The following SLMAP variants were observed in gnomAD, a reference collection of about 807,000 sequenced individuals.
SLMAP encodes sarcolemma associated protein, also known as sarcolemmal membrane-associated protein.
Under a neutral mutation model 128.8 loss-of-function variants are expected in SLMAP, and 44 were observed. That is an observed-to-expected ratio of 0.34 (90% CI 0.27 to 0.44). SLMAP has a LOEUF of 0.44. SLMAP is among the 20% of genes least tolerant of loss of function. SLMAP has a pLI of 1.00. For synonymous variants in SLMAP, 327 were observed against 348.8 expected, an observed-to-expected ratio of 0.94 and a Z score of 0.70; for missense variants, 787 against 985.3, an observed-to-expected ratio of 0.80 and a Z score of 2.69.
chr3:57,904,975 G>T (rs1012135379), intron 17 of SLMAP, among the ~76,000 whole-genome samples: 1 of 152,162 alleles, frequency 6.6e-6, no homozygotes, highest in Non-Finnish European at 1.5e-5. Flanking sequence ...GCTGAGGAAG[G>T]GGGATAGCTT....
At chr3:57,878,715 A>G (rs898259908) in intron 14 of SLMAP, among the ~76,000 whole-genome samples, 16 of 152,210 alleles carry the variant, frequency 1.1e-4, no homozygotes, top group Non-Finnish European at 2.1e-4. Flanking sequence ...GGCAGAAAAC[A>G]TGTTGGAGAG....
chr3:57,787,873 A>G (rs1219699534), intron 2 of SLMAP, among the ~76,000 whole-genome samples: 2 of 152,264 alleles, frequency 1.3e-5, no homozygotes, highest in Non-Finnish European at 2.9e-5. Context: ...GGGATTCTAC[A>G]TAAGTGGACA....
chr3:57,916,826 T>C (rs2096823776), intron 21 of SLMAP, 80 bp from the exon 22 acceptor site: 1 of 1,120,076 alleles, frequency 8.9e-7, no homozygotes, highest in African/African-American at 1.6e-5. Context: ...TCCCTTCTAG[T>C]GAAATGTATA....
chr3:57,762,164 C>T (rs981503767), intron 2 of SLMAP, among the ~76,000 whole-genome samples: 2 of 150,866 alleles, frequency 1.3e-5, no homozygotes, highest in East Asian at 2.0e-4. Flanking sequence ...GTTAGGAGAT[C>T]GAGATCATCC....
chr3:57,892,053 A>G (rs76674295), intron 15 of SLMAP, among the ~76,000 whole-genome samples: 2,005 of 152,322 alleles, frequency 0.013, 19 homozygotes, highest in South Asian at 0.035. Flanking sequence ...AATAATACAA[A>G]TATAAGTTTT....
chr3:57,909,852 T>C (rs2096652601), intron 19 of SLMAP, among the ~76,000 whole-genome samples: 1 of 151,962 alleles, frequency 6.6e-6, no homozygotes, highest in African/African-American at 2.4e-5. Context: ...CCTCAGGTGA[T>C]CCACCAATCT....
intron 10 of SLMAP, among the ~76,000 whole-genome samples, chr3:57,862,382 G>A (rs1297714915): frequency 1.3e-5 from 2 of 152,032 alleles, no homozygotes; most frequent in Non-Finnish European, 2.9e-5. Context: ...GCTCACGCCT[G>A]TAATCCCAGC....
rs573298564 is a variant in SLMAP, at chr3:57,926,065, G to T, written c.*6+131G>T. The T allele has an allele frequency of 1.1e-5, 7 of 666,492 alleles. No homozygotes were observed. The East Asian group carries it at 1.9e-4, about 18-fold the overall frequency. 41.3% of individuals were successfully genotyped at this position (666,492 alleles called of 1,614,324 possible). A position where few individuals can be genotyped will look rare whatever the true frequency, so the allele number is the denominator to read the frequency against. ...AAGCAAACCCTTCATTTAGTATGCCGTGTATTTGTGTCATACCAATGAACT... is the reference window on the plus strand; with the variant it reads ...AAGCAAACCCTTCATTTAGTATGCCTTGTATTTGTGTCATACCAATGAACT... On this transcript the variant is annotated intron_variant, in intron 24 of 24. Transcript: ENST00000671191.
At chr3:57,842,278 T>G (rs7639106) in intron 4 of SLMAP, among the ~76,000 whole-genome samples, 34,493 of 151,900 alleles carry the variant, frequency 0.23, 4,771 homozygotes, top group Non-Finnish European at 0.31. Flanking sequence ...CTTTTCCTTG[T>G]TTGTTTACTT....
In SLMAP at chr3:57,896,511, A is replaced by G; in HGVS notation, c.1361A>G (p.Glu454Gly). The change falls in exon 16 of 25, where the codon GAA becomes GGA. Residue 454 changes from glutamate to glycine, a missense_variant and splice_region_variant. Glu to Gly is a moderately conservative substitution (Grantham distance 98, BLOSUM62 -2). Coordinates refer to ENST00000671191, the MANE Select transcript of SLMAP (RefSeq NM_001377540.1). ...KAVEETKLSK[E>G]NQTRAKESDF... The stretch of plus-strand genomic sequence containing the variant: ...TTTACTTTTATTTTTTTCTTGGTAG[A>G]AAATCAGACAAGAGCAAAAGAATCT... The G allele has an allele frequency of 6.3e-7, 1 of 1,595,074 alleles. No homozygotes were observed. Among genetic ancestry groups the G allele is most frequent in the South Asian group, 1.1e-5 (1 of 87,194 alleles).
chr3:57,806,025 T>C (rs770273358), intron 2 of SLMAP, among the ~76,000 whole-genome samples: 9 of 151,982 alleles, frequency 5.9e-5, no homozygotes, highest in African/African-American at 7.3e-5. Context: ...CAGGGTTTTT[T>C]TTTTGTTTGT....
At chr3:57,769,728 A>G (rs2080451124) in intron 2 of SLMAP, among the ~76,000 whole-genome samples, 1 of 152,196 alleles carries the variant, frequency 6.6e-6, no homozygotes, top group Non-Finnish European at 1.5e-5. Context: ...TTAACAGAGC[A>G]ACTTTTGAAG....
intron 2 of SLMAP, among the ~76,000 whole-genome samples, chr3:57,818,402 G>A (rs1274636257): frequency 2.0e-5 from 3 of 152,126 alleles, no homozygotes; most frequent in Admixed American, 6.6e-5. Flanking sequence ...TGATCCACCC[G>A]CCTCGGCCTC....
intron 2 of SLMAP, among the ~76,000 whole-genome samples, chr3:57,778,570 C>CT (rs1171049495): frequency 0.015 from 1,723 of 115,070 alleles, 23 homozygotes; most frequent in Admixed American, 0.032. Context: ...TTCTTTCTTT[C>CT]TTTTTTTTTT....
intron 2 of SLMAP, among the ~76,000 whole-genome samples, chr3:57,810,898 T>A (rs1031859169): frequency 6.6e-6 from 1 of 152,212 alleles, no homozygotes; most frequent in Non-Finnish European, 1.5e-5. Flanking sequence ...TTTGAACTGC[T>A]CCATGTCCTT....
Position 57,929,721 on chromosome 3 carries a change from C to T in SLMAP, c.*2432C>T, listed in dbSNP as rs907183549. Among the ~76,000 whole-genome samples, 1 of 152,196 alleles carries T rather than the reference C, an allele frequency of 6.6e-6. No homozygotes were observed. Among genetic ancestry groups the T allele is most frequent in the African/African-American group, 2.4e-5 (1 of 41,452 alleles). ...AAAGAACGTGGTGTTTGAAGCAAAA[C>T]AGATCTGTATTGGCATCTTGGTTCT... On this transcript the variant is annotated 3_prime_UTR_variant, in exon 25 of 25. Transcript: ENST00000671191.
intron 24 of SLMAP, among the ~76,000 whole-genome samples, chr3:57,926,840 C>T (rs75346170): frequency 2.0e-3 from 310 of 152,308 alleles, no homozygotes; most frequent in Non-Finnish European, 3.2e-3. Context: ...AAGCCTAGAC[C>T]ATTATCACCT....
chr3:57,773,008 T>A (rs1336237125), intron 2 of SLMAP, among the ~76,000 whole-genome samples: 1 of 152,224 alleles, frequency 6.6e-6, no homozygotes, highest in East Asian at 1.9e-4. Context: ...TGGTTGAGCC[T>A]AGGTACATGA....
intron 3 of SLMAP, among the ~76,000 whole-genome samples, chr3:57,836,235 AGAG>A (rs1408645940): frequency 6.6e-6 from 1 of 152,126 alleles, no homozygotes; most frequent in East Asian, 1.9e-4. Flanking sequence ...AAGAAGGAAT[AGAG>A]GAGAAGAGGG....
Sources: gnomAD v4.1 joint callset for allele counts (sites outside exome capture counted in the v4.1 genomes callset) on GRCh38, gnomAD v4.1.1 for gene constraint, MANE v1.5 for transcripts, NCBI Gene and HGNC (gene_info 2026-07-23, HGNC 2026-07-21) for gene names.